Variants in STIM1 observed in about 807,000 individuals in gnomAD.
The protein encoded by STIM1 is stromal interaction molecule 1.
In STIM1, 25 loss-of-function variants were observed where a neutral mutation model predicts 74.7. The ratio of observed to expected loss-of-function variants is 0.33; its 90% CI spans 0.24 to 0.47. STIM1 has a LOEUF of 0.47. Among genes scored for constraint, STIM1 ranks in the 20% least tolerant of loss-of-function variants. The pLI is 1.00. For synonymous variants in STIM1, 328 were observed against 348.8 expected (o/e 0.94, Z 0.66); for missense variants, 728 against 920.8 (o/e 0.79, Z 2.71).
At chr11:3,926,576 T>C (rs886201954) in intron 1 of STIM1, among the ~76,000 whole-genome samples, 2 of 152,240 alleles carry the variant, frequency 1.3e-5, no homozygotes, top group Non-Finnish European at 2.9e-5. Context: ...TGTAGTATCA[T>C]AATAATTGAG....
intron 1 of STIM1, among the ~76,000 whole-genome samples, chr11:3,964,393 A>G (rs1590606129): frequency 6.6e-6 from 1 of 152,252 alleles, no homozygotes. Flanking sequence ...TTCAACGGCC[A>G]TAGGAGAATC....
chr11:3,857,186 G>T (rs148897000), intron 1 of STIM1, among the ~76,000 whole-genome samples: 332 of 141,114 alleles, frequency 2.4e-3, no homozygotes, highest in African/African-American at 8.3e-3. Flanking sequence ...TTCCTATGCA[G>T]TTGTGAAGGC....
At position 3,967,650 on chromosome 11, in the gene STIM1, A is replaced by G. The variant is rs1029278195; in HGVS notation, c.238A>G (p.Asn80Asp). Reference sequence around the variant, plus strand: ...CCACAAACTGATGGACGATGATGCCAATGGTGATGTGGATGTGGAAGAAAG... The same window carrying G: ...CCACAAACTGATGGACGATGATGCCGATGGTGATGTGGATGTGGAAGAAAG... ...NIHKLMDDDA[N>D]GDVDVEESDE... Residue 80 changes from asparagine (N) to aspartate (D), a missense_variant, in exon 2 of 13, where the codon AAT becomes GAT. Physicochemically the swap from Asn to Asp is conservative, Grantham distance 23. Transcript: ENST00000526596. 4 of 1,614,090 alleles carry G rather than the reference A, an allele frequency of 2.5e-6. No individual in the cohort carries two copies. Among genetic ancestry groups the G allele is most frequent in the African/African-American group, 1.3e-5 (1 of 74,938 alleles).
rs887034740 is a variant in STIM1 at position 3,926,865 on chromosome 11, T to C, written c.140-40687T>C. ...CCTTAGAGGCCTCAATAGGTAGGGATTTACTTTAGGGAGTTGACAGATGCT... is the reference window on the plus strand; with the variant it reads ...CCTTAGAGGCCTCAATAGGTAGGGACTTACTTTAGGGAGTTGACAGATGCT... On this transcript the variant is annotated intron_variant, in intron 1 of 12. Transcript: ENST00000526596. Among the ~76,000 whole-genome samples, 5 of 152,254 alleles carry C rather than the reference T, an allele frequency of 3.3e-5. No individual in the cohort carries two copies. The South Asian group carries it at 1.0e-3, about 32-fold the overall frequency.
At chr11:3,864,716 A>G (rs1418127801) in intron 1 of STIM1, among the ~76,000 whole-genome samples, 1 of 152,216 alleles carries the variant, frequency 6.6e-6, no homozygotes, top group Non-Finnish European at 1.5e-5. Flanking sequence ...GAACACTAGG[A>G]GGGCAAGGAC....
At chr11:3,963,943 T>C (rs2093315294) in intron 1 of STIM1, among the ~76,000 whole-genome samples, 2 of 152,218 alleles carry the variant, frequency 1.3e-5, no homozygotes, top group African/African-American at 4.8e-5. Flanking sequence ...TGGGAACTGT[T>C]TACTTGCTGC....
chr11:4,034,246 A>G (rs1244339137), intron 3 of STIM1, among the ~76,000 whole-genome samples: 1 of 145,160 alleles, frequency 6.9e-6, no homozygotes, highest in East Asian at 2.0e-4. Context: ...TAAATAAATA[A>G]AATAAAATAA....
intron 3 of STIM1, among the ~76,000 whole-genome samples, chr11:4,054,485 A>T (rs2094272170): frequency 6.6e-6 from 1 of 152,160 alleles, no homozygotes; most frequent in African/African-American, 2.4e-5. Context: ...TGGGTGAGGG[A>T]GTATTACTGC....
At chr11:3,871,693 G>A (rs1040954022) in intron 1 of STIM1, among the ~76,000 whole-genome samples, 1 of 152,062 alleles carries the variant, frequency 6.6e-6, no homozygotes, top group Non-Finnish European at 1.5e-5. Context: ...TGGTTCTCTT[G>A]AGTGTTCACA....
intron 7 of STIM1, 44 bp from the exon 8 acceptor site, chr11:4,082,140 G>A (rs756504877): frequency 1.2e-6 from 2 of 1,604,968 alleles, no homozygotes; most frequent in Non-Finnish European, 1.7e-6. Context: ...ATGTTGGAGA[G>A]TCTTAGTAGC....
At chr11:4,080,686 G>A (rs563512275) in intron 7 of STIM1, among the ~76,000 whole-genome samples, 5 of 152,094 alleles carry the variant, frequency 3.3e-5, no homozygotes, top group Non-Finnish European at 5.9e-5. Flanking sequence ...GGCTGCTCTC[G>A]AACTCCTGGG....
intron 12 of STIM1, among the ~76,000 whole-genome samples, chr11:4,089,893 A>G (rs1336344013): frequency 6.6e-6 from 1 of 152,130 alleles, no homozygotes; most frequent in Non-Finnish European, 1.5e-5. Context: ...TGAGGTTCTC[A>G]GGCCTCTAGG....
At chr11:4,010,706 C>CCTTT (rs1321549070) in intron 2 of STIM1, among the ~76,000 whole-genome samples, 1 of 151,176 alleles carries the variant, frequency 6.6e-6, no homozygotes, top group Non-Finnish European at 1.5e-5. Context: ...ATGGGTTCTG[C>CCTTT]CTTTCTTTCT....
chr11:3,931,808 A>G (rs929370445), intron 1 of STIM1, among the ~76,000 whole-genome samples: 3 of 152,174 alleles, frequency 2.0e-5, no homozygotes, highest in African/African-American at 7.2e-5. Context: ...GTTCCAAGCT[A>G]GGGAATCTGG....
At chr11:3,928,830 C>G (rs2092822136) in intron 1 of STIM1, among the ~76,000 whole-genome samples, 1 of 152,086 alleles carries the variant, frequency 6.6e-6, no homozygotes, top group African/African-American at 2.4e-5. Context: ...CTTCTATCTG[C>G]CACCTAACAA....
At chr11:4,049,111 T>C (rs1000615570) in intron 3 of STIM1, among the ~76,000 whole-genome samples, 1 of 152,216 alleles carries the variant, frequency 6.6e-6, no homozygotes, top group Non-Finnish European at 1.5e-5. Context: ...AATCACTAGC[T>C]CTAGTGCTCC....
chr11:3,979,004 G>A (rs188651455), intron 2 of STIM1, among the ~76,000 whole-genome samples: 3 of 152,238 alleles, frequency 2.0e-5, no homozygotes, highest in South Asian at 2.1e-4. Context: ...TCAGAGCTAA[G>A]GGAGCTAAAC....
At chr11:3,861,338 A>G (rs1325550094) in intron 1 of STIM1, among the ~76,000 whole-genome samples, 4 of 149,970 alleles carry the variant, frequency 2.7e-5, no homozygotes, top group Non-Finnish European at 4.4e-5. Context: ...GGTTCATGCC[A>G]TTCTCCTGCC....
rs115108756 is a variant in STIM1, at chr11:3,888,614, T to C, written c.139+32205T>C. 4.6e-3 allele frequency among the ~76,000 whole-genome samples: 697 copies of C among 152,268 alleles called. 3 individuals are homozygous for C. Among genetic ancestry groups the C allele is most frequent in the Middle Eastern group, 0.031 (9 of 294 alleles). On this transcript the variant is annotated intron_variant, in intron 1 of 12. Transcript: ENST00000526596. ...GTGCAGTGGTGTGCTTTCTGCTCAC[T>C]GCAGCCTCCACCTCCCAGATTCAAG...
Sources: allele counts gnomAD v4.1 joint callset (sites outside exome capture counted in the v4.1 genomes callset), GRCh38; gene constraint gnomAD v4.1.1; transcripts MANE v1.5; gene names NCBI Gene and HGNC (gene_info 2026-07-23, HGNC 2026-07-21).